Variants in RAB6B observed in about 807,000 individuals in gnomAD.
The protein encoded by RAB6B is RAB6B, member RAS oncogene family.
A neutral mutation model predicts 31.2 loss-of-function variants in RAB6B; 7 were observed. The ratio of observed to expected loss-of-function variants is 0.22; its 90% CI spans 0.13 to 0.42. The LOEUF is 0.42. Ranked by LOEUF, RAB6B falls within the 10% of genes least tolerant of loss-of-function variation. The probability of loss-of-function intolerance (pLI) is 1.00; values close to 1 mark genes in which losing one functional copy is unlikely to be tolerated. For missense variants in RAB6B, 149 were observed against 280.6 expected, an observed-to-expected ratio of 0.53 and a Z score of 3.35; for synonymous variants, 105 against 104.9, an observed-to-expected ratio of 1.00 and a Z score of -0.01.
intron 2 of RAB6B, among the ~76,000 whole-genome samples, chr3:133,849,578 G>C (rs1021789815): frequency 5.9e-5 from 9 of 152,240 alleles, no homozygotes; most frequent in African/African-American, 1.9e-4. Context: ...GGCTTACTCA[G>C]AACTAAGGTC....
At chr3:133,840,895 C>T (rs142370912) in intron 4 of RAB6B, among the ~76,000 whole-genome samples, 10 of 152,182 alleles carry the variant, frequency 6.6e-5, no homozygotes, top group African/African-American at 1.7e-4. Context: ...TAGGGACCAG[C>T]GTCTTCTCCC....
chr3:133,881,098 G>T (rs113567153), intron 1 of RAB6B, among the ~76,000 whole-genome samples: 7 of 152,294 alleles, frequency 4.6e-5, no homozygotes, highest in Admixed American at 1.3e-4. Flanking sequence ...TGGATCAAGG[G>T]GAGCTGCGTC....
At chr3:133,878,336 T>C (rs910592025) in intron 1 of RAB6B, among the ~76,000 whole-genome samples, 1 of 152,156 alleles carries the variant, frequency 6.6e-6, no homozygotes. Flanking sequence ...AAAAGGACAG[T>C]ATATTTCTCC....
At chr3:133,861,138 C>T (rs766281312) in intron 2 of RAB6B, among the ~76,000 whole-genome samples, 22 of 152,208 alleles carry the variant, frequency 1.4e-4, no homozygotes, top group Non-Finnish European at 2.9e-4. Flanking sequence ...GGGGCTGGCC[C>T]CAAAGACAGC....
In RAB6B at chr3:133,827,500, C is replaced by A. The variant is rs958465677; in HGVS notation, c.*1288G>T. 44 of 197,332 alleles carry A rather than the reference C, an allele frequency of 2.2e-4. No individual in the cohort carries two copies. The highest frequency in any genetic ancestry group is 7.9e-4 in the African/African-American group (34 of 42,960). The allele number at this position is 197,332 out of a possible 1,614,324, so 12.2% of individuals were successfully genotyped here. A position where few individuals can be genotyped will look rare whatever the true frequency, so the allele number is the denominator to read the frequency against. On this transcript the variant is annotated 3_prime_UTR_variant, in exon 8 of 8. Transcript: ENST00000285208. Reference sequence around the variant, plus strand: ...GACTAAGCCATTCTCAGGAATGAATCAAAAATGGAAGAGATGGCTCTCTGG... The same window carrying A: ...GACTAAGCCATTCTCAGGAATGAATAAAAAATGGAAGAGATGGCTCTCTGG...
At chr3:133,833,366 T>C (rs972947296) in intron 7 of RAB6B, among the ~76,000 whole-genome samples, 1 of 152,148 alleles carries the variant, frequency 6.6e-6, no homozygotes, top group Non-Finnish European at 1.5e-5. Context: ...GGCCACTGCT[T>C]GTCCTCTGGT....
intron 1 of RAB6B, among the ~76,000 whole-genome samples, chr3:133,875,279 T>A (rs1255584786): frequency 6.6e-6 from 1 of 151,964 alleles, no homozygotes; most frequent in East Asian, 1.9e-4. Context: ...CACGTGTGTG[T>A]GTGTGTGCAT....
At chr3:133,876,987 AAGAC>A (rs1329477668) in intron 1 of RAB6B, among the ~76,000 whole-genome samples, 1 of 152,190 alleles carries the variant, frequency 6.6e-6, no homozygotes, top group Non-Finnish European at 1.5e-5. Flanking sequence ...AAACAACCAA[AAGAC>A]AGACAAGATA....
In RAB6B at chr3:133,887,199, G is replaced by A. The variant is rs79852335; in HGVS notation, c.70+8198C>T. On this transcript the variant is annotated intron_variant, in intron 1 of 7. Coordinates refer to ENST00000285208, the MANE Select transcript of RAB6B (RefSeq NM_016577.4). The stretch of plus-strand genomic sequence containing the variant: ...CCTGGGAGGTGTCACCTGCCCTGTC[G>A]TCCTAATCATGGTTCCTCTCTGTGT... 4.2e-3 allele frequency among the ~76,000 whole-genome samples: 641 copies of A among 152,308 alleles called. 3 individuals carry two copies. The highest frequency in any genetic ancestry group is 0.014 in the African/African-American group (597 of 41,572).
At chr3:133,865,548 C>T (rs1208853265) in intron 1 of RAB6B, among the ~76,000 whole-genome samples, 1 of 152,244 alleles carries the variant, frequency 6.6e-6, no homozygotes, top group African/African-American at 2.4e-5. Context: ...TGCACGGATG[C>T]CTGTCTGTAC....
chr3:133,828,987 G>A, intron 7 of RAB6B, 135 bp from the exon 8 acceptor site: 1 of 823,062 alleles, frequency 1.2e-6, no homozygotes, highest in Non-Finnish European at 1.8e-6. Flanking sequence ...GTTTGGCTGG[G>A]CTAGGAAGGA....
At chr3:133,893,419 T>G (rs1936664389) in intron 1 of RAB6B, among the ~76,000 whole-genome samples, 2 of 152,126 alleles carry the variant, frequency 1.3e-5, no homozygotes, top group South Asian at 4.2e-4. Context: ...GTGGGTTCAT[T>G]TCTTAGGCTT....
At chr3:133,888,187 C>CCCAG (rs1467244338) in intron 1 of RAB6B, among the ~76,000 whole-genome samples, 2 of 152,212 alleles carry the variant, frequency 1.3e-5, no homozygotes, top group African/African-American at 4.8e-5. Flanking sequence ...CTCACAGTGA[C>CCCAG]CTGGGTCTGA....
At chr3:133,866,184 G>C (rs1440773814) in intron 1 of RAB6B, among the ~76,000 whole-genome samples, 1 of 152,210 alleles carries the variant, frequency 6.6e-6, no homozygotes, top group Non-Finnish European at 1.5e-5. Flanking sequence ...AGGTAAGGCA[G>C]TTTCCAGAAT....
intron 6 of RAB6B, 72 bp downstream of exon 6, chr3:133,838,094 G>A (rs973465292): frequency 1.3e-6 from 2 of 1,487,960 alleles, no homozygotes; most frequent in African/African-American, 1.4e-5. Flanking sequence ...AGGCAGCTCT[G>A]AGCCTGCAGC....
At chr3:133,837,400 G>A (rs932732842) in intron 6 of RAB6B, among the ~76,000 whole-genome samples, 9 of 152,210 alleles carry the variant, frequency 5.9e-5, no homozygotes, top group African/African-American at 2.2e-4. Flanking sequence ...ACTGATAGAT[G>A]TGAAGTTCAA....
intron 2 of RAB6B, among the ~76,000 whole-genome samples, chr3:133,861,096 C>T (rs1002857171): frequency 7.2e-5 from 11 of 152,176 alleles, no homozygotes; most frequent in Admixed American, 1.3e-4. Context: ...TTCACACAGG[C>T]GGCTCACAGA....
chr3:133,860,133 G>A (rs1184089178), intron 2 of RAB6B, among the ~76,000 whole-genome samples: 2 of 152,186 alleles, frequency 1.3e-5, no homozygotes, highest in African/African-American at 4.8e-5. Context: ...GGAGGTACTA[G>A]GATTTTGGAG....
In RAB6B at chr3:133,885,601, G is replaced by A. The variant is rs543020470; in HGVS notation, c.70+9796C>T. On this transcript the variant is annotated intron_variant, in intron 1 of 7. Transcript: ENST00000285208. ...CAGGTAGCAGAGAGGGAGGAGTCCG[G>A]AAGGGCTGCCAGCAGTCCCGCAGAA... The A allele has an allele frequency of 1.6e-4, 111 of 703,010 alleles. No individual in the cohort carries two copies. The South Asian group carries it at 1.6e-3, about 10-fold the overall frequency. The allele number at this position is 703,010 out of a possible 1,614,324, so 43.5% of individuals were successfully genotyped here. A position where few individuals can be genotyped will look rare whatever the true frequency, so the allele number is the denominator to read the frequency against.
Sources: gnomAD v4.1 joint callset for allele counts (sites outside exome capture counted in the v4.1 genomes callset) on GRCh38, gnomAD v4.1.1 for gene constraint, MANE v1.5 for transcripts, NCBI Gene and HGNC (gene_info 2026-07-23, HGNC 2026-07-21) for gene names.